TRHDE: variants seen among roughly 807,000 people sequenced by gnomAD.
The protein encoded by TRHDE is thyrotropin-releasing hormone-degrading ectoenzyme.
In TRHDE, 72 loss-of-function variants were observed where a neutral mutation model predicts 125.7. The ratio of observed to expected loss-of-function variants is 0.57; its 90% CI spans 0.47 to 0.70. The LOEUF is 0.70. Ranked by LOEUF, TRHDE falls within the 30% of genes least tolerant of loss-of-function variation. The pLI is 0.00. For missense variants in TRHDE, 1,110 were observed against 1,327.1 expected (o/e 0.84, Z 2.54); for synonymous variants, 509 against 509.1 (o/e 1.00, Z 0.00).
At position 72,404,219 on chromosome 12, in the gene TRHDE, A is replaced by C. The variant is rs540258100; in HGVS notation, c.1315+26098A>C. 2.0e-5 allele frequency among the ~76,000 whole-genome samples: 3 copies of C among 152,112 alleles called. No homozygotes were observed. The East Asian group carries it at 5.8e-4, about 30-fold the overall frequency. ...ACCTGAGCTCAGGAGTTCAAGACCA[A>C]CCTGGGCAACATGATGAAACCCTGT... is the stretch of plus-strand genomic sequence containing the variant. On this transcript the variant is annotated intron_variant, in intron 3 of 18. Coordinates refer to ENST00000261180, the MANE Select transcript of TRHDE (RefSeq NM_013381.3).
chr12:72,619,264 A>G (rs1872948766), intron 13 of TRHDE, among the ~76,000 whole-genome samples: 1 of 152,314 alleles, frequency 6.6e-6, no homozygotes. Flanking sequence ...TAAATGCTTC[A>G]GAATTTAAGA....
intron 2 of TRHDE, among the ~76,000 whole-genome samples, chr12:72,349,452 A>G (rs1350375252): frequency 2.0e-5 from 3 of 152,014 alleles, no homozygotes; most frequent in East Asian, 1.9e-4. Flanking sequence ...TGCCTTGAGT[A>G]TGAACATGGT....
At chr12:72,648,151 C>T (rs542229463) in intron 15 of TRHDE, among the ~76,000 whole-genome samples, 1 of 152,154 alleles carries the variant, frequency 6.6e-6, no homozygotes, top group South Asian at 2.1e-4. Flanking sequence ...ATAAAAATCA[C>T]ATGATCATCT....
At position 72,656,983 on chromosome 12, in the gene TRHDE, T is replaced by A; in HGVS notation, c.3041T>A (p.Leu1014His). The change falls in exon 18 of 19, where the codon CTT (leucine) becomes CAT (histidine). Residue 1014 changes from leucine (L) to histidine (H), a missense_variant. Physicochemically the swap from Leu to His is moderately conservative, Grantham distance 99. This residue lies in a region of TRHDE where 527 missense variants were observed against 651.8 expected (regional missense o/e 0.81). Coordinates refer to ENST00000261180, the MANE Select transcript of TRHDE (RefSeq NM_013381.3). ...CTCATCAGTGGTGTCACAGAATTTC[T>A]TAATACTGAAGGTGAACTCAAAGAG... ...SKLISGVTEF[L>H]NTEGELKELK... 1 of 1,608,040 alleles carries A rather than the reference T, an allele frequency of 6.2e-7. No individual in the cohort carries two copies. The highest frequency in any genetic ancestry group is 8.5e-7 in the Non-Finnish European group (1 of 1,175,168).
At chr12:72,430,827 C>T (rs974641158) in intron 3 of TRHDE, among the ~76,000 whole-genome samples, 2 of 152,022 alleles carry the variant, frequency 1.3e-5, no homozygotes, top group African/African-American at 4.8e-5. Context: ...CTTTGAATCT[C>T]TGTGTCAGGC....
At position 72,300,156 on chromosome 12, in the gene TRHDE, G is replaced by A. The variant is rs76314045; in HGVS notation, c.1188+13202G>A. 1.6e-4 allele frequency among the ~76,000 whole-genome samples: 25 copies of A among 152,140 alleles called. No homozygotes were observed. The East Asian group carries it at 4.8e-3, about 29-fold the overall frequency. On this transcript the variant is annotated intron_variant, in intron 2 of 18. Coordinates refer to ENST00000261180, the MANE Select transcript of TRHDE (RefSeq NM_013381.3). ...TAACCATTCTTCCAGGCAGTGTTAGGTTTCATCTCCTCATGCAGCCTTGAC... is the reference window on the plus strand; with the variant it reads ...TAACCATTCTTCCAGGCAGTGTTAGATTTCATCTCCTCATGCAGCCTTGAC...
At chr12:72,592,730 G>C (rs1172968620) in intron 12 of TRHDE, among the ~76,000 whole-genome samples, 1 of 148,762 alleles carries the variant, frequency 6.7e-6, no homozygotes, top group Non-Finnish European at 1.5e-5. Context: ...TCTTCTTTGA[G>C]ATGAAGTCTC....
At chr12:72,472,038 T>G (rs976703819) in intron 4 of TRHDE, among the ~76,000 whole-genome samples, 15 of 152,234 alleles carry the variant, frequency 9.9e-5, no homozygotes, top group African/African-American at 3.4e-4. Context: ...TGGCTGTCCC[T>G]TATCATGGAA....
intron 2 of TRHDE, chr12:72,167,521 A>C (rs931309363): frequency 3.3e-5 from 5 of 152,198 alleles, no homozygotes; most frequent in African/African-American, 1.2e-4. Context: ...TTCTGACCAA[A>C]TAATGAATTT....
chr12:72,421,664 C>T (rs1327559411), intron 3 of TRHDE, among the ~76,000 whole-genome samples: 2 of 152,122 alleles, frequency 1.3e-5, no homozygotes, highest in Non-Finnish European at 2.9e-5. Flanking sequence ...GGGTGGGAGA[C>T]ATTGCTGTGG....
chr12:72,603,835 A>G lies in TRHDE; in HGVS notation c.2322-15056A>G, dbSNP rs150011306. Among the ~76,000 whole-genome samples, 133 of 152,298 alleles carry G rather than the reference A, an allele frequency of 8.7e-4. 1 individual carries two copies. Among genetic ancestry groups the G allele is most frequent in the African/African-American group, 3.1e-3 (130 of 41,582 alleles). ...TAGGAAAGAAATCTCACTCAAAGGG[A>G]TTAACACTGAGACACATGTTGGTGA... On this transcript the variant is annotated intron_variant, in intron 12 of 18. Coordinates refer to ENST00000261180, the MANE Select transcript of TRHDE (RefSeq NM_013381.3).
intron 2 of TRHDE, among the ~76,000 whole-genome samples, chr12:72,307,503 A>G (rs951880997): frequency 1.3e-5 from 2 of 152,092 alleles, no homozygotes; most frequent in Admixed American, 6.6e-5. Flanking sequence ...CTTTGGCTGC[A>G]TTGTGGCTGT....
chr12:72,448,106 C>T (rs1875389292), intron 3 of TRHDE, among the ~76,000 whole-genome samples: 1 of 152,054 alleles, frequency 6.6e-6, no homozygotes, highest in Admixed American at 6.6e-5. Context: ...GTTTCACTAT[C>T]TCCTTGCAGA....
intron 5 of TRHDE, among the ~76,000 whole-genome samples, chr12:72,490,844 G>T (rs1418799768): frequency 6.6e-6 from 1 of 151,070 alleles, no homozygotes; most frequent in African/African-American, 2.4e-5. Flanking sequence ...AAAATGGGAA[G>T]ATGTAGTTAA....
At chr12:72,473,290 T>G (rs1273688085) in intron 5 of TRHDE, 110 bp downstream of exon 5, 1 of 754,728 alleles carries the variant, frequency 1.3e-6, no homozygotes, top group Non-Finnish European at 2.2e-6. Context: ...TGCATGAAAA[T>G]GTATCAATAA....
intron 2 of TRHDE, among the ~76,000 whole-genome samples, chr12:72,112,749 A>ACTTCT (rs1875349478): frequency 6.6e-6 from 1 of 152,154 alleles, no homozygotes; most frequent in Non-Finnish European, 1.5e-5. Context: ...ACACTCCTAG[A>ACTTCT]TGGATTAAAC....
Position 72,273,315 on chromosome 12 carries a change from C to A in TRHDE, c.672C>A (p.Tyr224Ter). The change falls in exon 1 of 19, where the codon TAC becomes TAA. Residue 224 changes from tyrosine (Y) to a stop codon, truncating the protein, a stop_gained. Coordinates refer to ENST00000261180, the MANE Select transcript of TRHDE (RefSeq NM_013381.3). LOFTEE classifies it high-confidence loss of function. This position sits in a 1 kb window ranked among gnomAD's most constrained non-coding sequence, Gnocchi z 5.3. ...TCGCGTGCCGGAACGCCACCCGCTA[C>A]GTAGTGCTGCACGCTTCCCGAGTGG... ...VEIACRNATR[Y>*]VVLHASRVAV... 2.5e-6 allele frequency: 4 copies of A among 1,613,774 alleles called. No individual in the cohort carries two copies. The highest frequency in any genetic ancestry group is 3.4e-6 in the Non-Finnish European group (4 of 1,179,936).
At chr12:72,346,984 A>T (rs1218988279) in intron 2 of TRHDE, among the ~76,000 whole-genome samples, 1 of 151,982 alleles carries the variant, frequency 6.6e-6, no homozygotes, top group Non-Finnish European at 1.5e-5. Flanking sequence ...TCAGTTTCAC[A>T]TGGTGTTCTC....
chr12:72,472,635 C>G (rs1234902821), intron 4 of TRHDE, among the ~76,000 whole-genome samples: 3 of 152,142 alleles, frequency 2.0e-5, no homozygotes, highest in Non-Finnish European at 4.4e-5. Context: ...CCATCTCAGT[C>G]TGTTAGAGGG....
Sources: gnomAD v4.1 joint callset for allele counts (sites outside exome capture counted in the v4.1 genomes callset) on GRCh38, gnomAD v4.1.1 for gene constraint, gnomAD v4.1.1 regional missense constraint, Gnocchi (gnomAD v3.1) non-coding constraint, MANE v1.5 for transcripts, NCBI Gene and HGNC (gene_info 2026-07-23, HGNC 2026-07-21) for gene names.